The following RPS6KB1 variants were observed in gnomAD, a reference collection of about 807,000 sequenced individuals.
RPS6KB1 encodes ribosomal protein S6 kinase beta-1.
In RPS6KB1, 12 loss-of-function variants were observed where a neutral mutation model predicts 70.2. The observed-to-expected ratio is 0.17, with a 90% CI of 0.11 to 0.28. The LOEUF is 0.28. Ranked by LOEUF, RPS6KB1 falls within the 10% of genes least tolerant of loss-of-function variation. The probability of loss-of-function intolerance (pLI) is 1.00; values close to 1 mark genes in which losing one functional copy is unlikely to be tolerated. For synonymous variants in RPS6KB1, 175 were observed against 211.2 expected (o/e 0.83, Z 1.49); for missense variants, 270 against 646.6 (o/e 0.42, Z 6.32).
intron 1 of RPS6KB1, among the ~76,000 whole-genome samples, chr17:59,897,564 C>T (rs1432769576): frequency 1.3e-5 from 2 of 151,864 alleles, no homozygotes; most frequent in Admixed American, 6.6e-5. Flanking sequence ...AGTGACTATG[C>T]GTTAGTAAAT....
intron 4 of RPS6KB1, among the ~76,000 whole-genome samples, chr17:59,923,881 G>C (rs571838720): frequency 1.3e-5 from 2 of 151,956 alleles, no homozygotes; most frequent in African/African-American, 2.4e-5. Flanking sequence ...CAACATAAAC[G>C]CACTCATTTG....
At chr17:59,937,094 T>G (rs1436365737) in intron 12 of RPS6KB1, among the ~76,000 whole-genome samples, 1 of 152,188 alleles carries the variant, frequency 6.6e-6, no homozygotes, top group Admixed American at 6.5e-5. Context: ...ACTCCTGGGC[T>G]CAAGTGATCC....
chr17:59,914,539 T>C (rs1015344556), intron 3 of RPS6KB1, 96 bp from the exon 4 acceptor site: 3 of 872,332 alleles, frequency 3.4e-6, no homozygotes, highest in African/African-American at 3.4e-5. Context: ...TTTTATAATA[T>C]AAACTGCTGT....
chr17:59,900,135 A>G (rs1220436292), intron 1 of RPS6KB1, among the ~76,000 whole-genome samples: 2 of 148,022 alleles, frequency 1.4e-5, no homozygotes, highest in African/African-American at 2.5e-5. Flanking sequence ...ATCCTACTAC[A>G]GCACTCCAGC....
intron 5 of RPS6KB1, among the ~76,000 whole-genome samples, chr17:59,928,160 A>G (rs569600823): frequency 2.7e-5 from 1 of 37,352 alleles, no homozygotes; most frequent in East Asian, 1.0e-3. Context: ...TCAGTCTCAC[A>G]CACACACACA....
At chr17:59,919,154 C>T (rs959426018) in intron 4 of RPS6KB1, among the ~76,000 whole-genome samples, 1 of 152,150 alleles carries the variant, frequency 6.6e-6, no homozygotes, top group Non-Finnish European at 1.5e-5. Flanking sequence ...AAAAGCTGAT[C>T]AGAAGTTCTG....
intron 1 of RPS6KB1, among the ~76,000 whole-genome samples, chr17:59,902,351 T>A (rs2042008493): frequency 6.6e-6 from 1 of 151,968 alleles, no homozygotes; most frequent in Non-Finnish European, 1.5e-5. Context: ...GTGATCCGCC[T>A]GCCTTGGCCT....
rs2044982952 is a variant in RPS6KB1 at position 59,947,297 on chromosome 17, T to G, written c.*509T>G. On this transcript the variant is annotated 3_prime_UTR_variant, in exon 15 of 15. Transcript: ENST00000225577. Reference sequence around the variant, plus strand: ...TTTTACGTGCAAACAACCTGAATCTTTTTTTTATATAAATATATATTTTTC... The same window carrying G: ...TTTTACGTGCAAACAACCTGAATCTGTTTTTTATATAAATATATATTTTTC... 1 of 972,810 alleles carries G rather than the reference T, an allele frequency of 1.0e-6. No individual in the cohort carries two copies. Among genetic ancestry groups the G allele is most frequent in the Non-Finnish European group, 1.2e-6 (1 of 808,960 alleles). The allele number at this position is 972,810 out of a possible 1,614,324, so 60.3% of individuals were successfully genotyped here. A position where few individuals can be genotyped will look rare whatever the true frequency, so the allele number is the denominator to read the frequency against.
chr17:59,942,920 C>G (rs887738916), intron 13 of RPS6KB1, among the ~76,000 whole-genome samples: 1 of 151,338 alleles, frequency 6.6e-6, no homozygotes, highest in African/African-American at 2.4e-5. Context: ...GCAGAGGTTG[C>G]AGGAGCCAAG....
At position 59,934,069 on chromosome 17, in the gene RPS6KB1, A is replaced by G; in HGVS notation, c.689-101A>G. 4 of 823,148 alleles carry G rather than the reference A, an allele frequency of 4.9e-6. No homozygotes were observed. The South Asian group carries it at 6.3e-5, about 13-fold the overall frequency. 51.0% of individuals were successfully genotyped at this position (823,148 alleles called of 1,614,324 possible). On this transcript the variant is annotated intron_variant, in intron 7 of 14. Transcript: ENST00000225577. The surrounding 1 kb of genome is among the most constrained non-coding windows in gnomAD (Gnocchi z 4.8). ...ATCTGCAAGAAAATTTGAGGCAAGA[A>G]AAGTTAAATGGAAGGATAGATTAAA...
chr17:59,942,672 T>C (rs2044679976), intron 13 of RPS6KB1, among the ~76,000 whole-genome samples: 1 of 152,204 alleles, frequency 6.6e-6, no homozygotes, highest in South Asian at 2.1e-4. Context: ...TTGCTCACTA[T>C]GTAATACAAG....
chr17:59,925,419 T>C (rs1447810272), intron 4 of RPS6KB1, among the ~76,000 whole-genome samples: 4 of 152,230 alleles, frequency 2.6e-5, no homozygotes, highest in East Asian at 1.9e-4. Flanking sequence ...CTATTACTTA[T>C]GCAGAAATAA....
At chr17:59,924,144 C>T (rs1224465011) in intron 4 of RPS6KB1, among the ~76,000 whole-genome samples, 1 of 152,060 alleles carries the variant, frequency 6.6e-6, no homozygotes, top group Non-Finnish European at 1.5e-5. Flanking sequence ...GCCTGGCCAG[C>T]ATGGTGAAAC....
chr17:59,903,151 C>G (rs186768374), intron 1 of RPS6KB1, among the ~76,000 whole-genome samples: 2 of 151,978 alleles, frequency 1.3e-5, no homozygotes, highest in African/African-American at 2.4e-5. Flanking sequence ...ACTAAAAATA[C>G]AAAAATTAGC....
intron 4 of RPS6KB1, among the ~76,000 whole-genome samples, chr17:59,921,336 C>G (rs887761117): frequency 6.6e-6 from 1 of 152,008 alleles, no homozygotes; most frequent in Non-Finnish European, 1.5e-5. Flanking sequence ...GATACTGTCT[C>G]CTTCCTTGTC....
intron 1 of RPS6KB1, among the ~76,000 whole-genome samples, chr17:59,906,196 C>T (rs1467394485): frequency 2.0e-5 from 3 of 152,120 alleles, no homozygotes; most frequent in Admixed American, 6.6e-5. Flanking sequence ...TTTCTGGGCT[C>T]TTAATTCTAT....
chr17:59,926,352 A>C (rs1009109871), intron 4 of RPS6KB1, 83 bp from the exon 5 acceptor site: 1 of 1,104,980 alleles, frequency 9.0e-7, no homozygotes, highest in African/African-American at 1.6e-5. Context: ...CAGGAAAAAC[A>C]CAAAATAGAT....
chr17:59,943,892 A>T (rs1407013352), intron 13 of RPS6KB1, among the ~76,000 whole-genome samples: 2 of 136,808 alleles, frequency 1.5e-5, no homozygotes, highest in East Asian at 2.3e-4. Flanking sequence ...AAAAAAAATT[A>T]TATATATATA....
At chr17:59,904,722 A>G (rs1598663117) in intron 1 of RPS6KB1, among the ~76,000 whole-genome samples, 5 of 93,790 alleles carry the variant, frequency 5.3e-5, no homozygotes, top group South Asian at 3.4e-4. Flanking sequence ...TTTGAGGTGG[A>G]GTCTCGCTCT....
Sources: gnomAD v4.1 joint callset for allele counts (sites outside exome capture counted in the v4.1 genomes callset) on GRCh38, gnomAD v4.1.1 for gene constraint, Gnocchi (gnomAD v3.1) non-coding constraint, MANE v1.5 for transcripts, NCBI Gene and HGNC (gene_info 2026-07-23, HGNC 2026-07-21) for gene names.